PPP1R16B: variants seen among roughly 807,000 people sequenced by gnomAD.
The protein encoded by PPP1R16B is protein phosphatase 1 regulatory inhibitor subunit 16B.
In PPP1R16B, 14 loss-of-function variants were observed where a neutral mutation model predicts 61.7. That is an observed-to-expected ratio of 0.23 (90% CI 0.15 to 0.35). The LOEUF (loss-of-function observed/expected upper bound fraction) is 0.35. Ranked by LOEUF, PPP1R16B falls within the 10% of genes least tolerant of loss-of-function variation. The probability of loss-of-function intolerance (pLI) is 1.00; values close to 1 mark genes in which losing one functional copy is unlikely to be tolerated. For missense variants in PPP1R16B, 547 were observed against 752.5 expected (o/e 0.73, Z 3.19); for synonymous variants, 266 against 305.3 (o/e 0.87, Z 1.34).
chr20:38,911,774 C>T (rs2085492569), intron 10 of PPP1R16B, among the ~76,000 whole-genome samples: 1 of 151,912 alleles, frequency 6.6e-6, no homozygotes, highest in Admixed American at 6.6e-5. Context: ...TGACCTCAAA[C>T]GATCCACCCT....
intron 2 of PPP1R16B, among the ~76,000 whole-genome samples, chr20:38,874,868 C>T (rs1001777813): frequency 6.6e-6 from 1 of 152,162 alleles, no homozygotes; most frequent in Non-Finnish European, 1.5e-5. Context: ...CTCAGTATCC[C>T]CAACTGTAAA....
intron 2 of PPP1R16B, among the ~76,000 whole-genome samples, chr20:38,871,856 C>A (rs1248127000): frequency 6.6e-6 from 1 of 152,050 alleles, no homozygotes; most frequent in Non-Finnish European, 1.5e-5. Context: ...ATAATGTAAG[C>A]CACATATGTA....
chr20:38,807,513 C>T, intron 1 of PPP1R16B, among the ~76,000 whole-genome samples: 1 of 152,052 alleles, frequency 6.6e-6, no homozygotes, highest in East Asian at 1.9e-4. Context: ...GTTTCCACAT[C>T]TTCCTCCCCC....
At chr20:38,912,598 C>T (rs536346499) in intron 10 of PPP1R16B, among the ~76,000 whole-genome samples, 73 of 150,598 alleles carry the variant, frequency 4.8e-4, no homozygotes, top group African/African-American at 1.8e-3. Context: ...TTGCTTGAGT[C>T]GAGGAATTCA....
chr20:38,884,079 A>G (rs955329150), intron 2 of PPP1R16B, among the ~76,000 whole-genome samples: 1 of 152,206 alleles, frequency 6.6e-6, no homozygotes, highest in Non-Finnish European at 1.5e-5. Context: ...GCCGAAGGGA[A>G]TAAGCGTGCC....
At chr20:38,867,932 C>G (rs1324899068) in intron 2 of PPP1R16B, among the ~76,000 whole-genome samples, 1 of 152,198 alleles carries the variant, frequency 6.6e-6, no homozygotes, top group Admixed American at 6.5e-5. Context: ...CTTGGCCTCC[C>G]TAAGTGCCAG....
chr20:38,826,451 T>G (rs543265555), intron 1 of PPP1R16B, among the ~76,000 whole-genome samples: 1 of 152,310 alleles, frequency 6.6e-6, no homozygotes, highest in African/African-American at 2.4e-5. Flanking sequence ...CCCAAAAGTG[T>G]GTGGGCTTCC....
At chr20:38,905,011 A>G (rs1004385579) in intron 6 of PPP1R16B, among the ~76,000 whole-genome samples, 1 of 152,212 alleles carries the variant, frequency 6.6e-6, no homozygotes, top group African/African-American at 2.4e-5. Flanking sequence ...TTGGGGGCAA[A>G]TTGAACAATC....
At chr20:38,808,117 T>G (rs2084674130) in intron 1 of PPP1R16B, among the ~76,000 whole-genome samples, 1 of 152,210 alleles carries the variant, frequency 6.6e-6, no homozygotes. Flanking sequence ...CAGAGCCCAT[T>G]TGAGCCCTTT....
At chr20:38,850,911 T>C (rs1397610665) in intron 2 of PPP1R16B, among the ~76,000 whole-genome samples, 1 of 148,000 alleles carries the variant, frequency 6.8e-6, no homozygotes, top group African/African-American at 2.5e-5. Context: ...GAGGTTGCAG[T>C]GAGCCGAGAT....
chr20:38,902,944 G>A, intron 6 of PPP1R16B, 152 bp downstream of exon 6: 1 of 1,285,600 alleles, frequency 7.8e-7, no homozygotes, highest in East Asian at 2.5e-5. Context: ...TGGATAGGGA[G>A]GGTCAGCAGA....
At chr20:38,882,764 C>T (rs533688721) in intron 2 of PPP1R16B, among the ~76,000 whole-genome samples, 14 of 152,160 alleles carry the variant, frequency 9.2e-5, no homozygotes, top group South Asian at 2.1e-4. Context: ...GAGATTAGGG[C>T]AATCAGGGAA....
chr20:38,841,587 G>T (rs916601013), intron 2 of PPP1R16B, among the ~76,000 whole-genome samples: 3 of 152,130 alleles, frequency 2.0e-5, no homozygotes, highest in Non-Finnish European at 4.4e-5. Context: ...CATTTGCAGT[G>T]ACTCCTGGTT....
intron 2 of PPP1R16B, among the ~76,000 whole-genome samples, chr20:38,872,383 T>C (rs1011294943): frequency 2.6e-5 from 4 of 152,166 alleles, no homozygotes; most frequent in African/African-American, 9.7e-5. Flanking sequence ...AGTTGGTGCC[T>C]GGCGAACATT....
At position 38,896,125 on chromosome 20, in the gene PPP1R16B, TC is replaced by T. The variant is rs200293614; in HGVS notation, c.467+418del. Among the ~76,000 whole-genome samples, 5 of 96,558 alleles carry T rather than the reference TC, an allele frequency of 5.2e-5. 1 individual carries two copies. The highest frequency in any genetic ancestry group is 2.1e-4 in the African/African-American group (5 of 23,462). 63.3% of individuals were successfully genotyped at this position (96,558 alleles called of 152,430 possible). ...TGTCTCCCCTCCCTTCCTTCTTTCT[TC>T]CCTTCCTCCCTCCTTTCCTTCTTTC... On this transcript the variant is annotated intron_variant, in intron 4 of 10. Transcript: ENST00000299824.
intron 2 of PPP1R16B, among the ~76,000 whole-genome samples, chr20:38,863,664 A>G (rs183924998): frequency 6.6e-6 from 1 of 152,304 alleles, no homozygotes; most frequent in Admixed American, 6.5e-5. Flanking sequence ...ACCCACCTCA[A>G]GGGAATTGCG....
intron 2 of PPP1R16B, among the ~76,000 whole-genome samples, chr20:38,887,102 G>A (rs1409493524): frequency 5.3e-5 from 8 of 152,076 alleles, no homozygotes; most frequent in Admixed American, 5.2e-4. Flanking sequence ...ATGGATGATG[G>A]TGGTTGGATG....
intron 4 of PPP1R16B, among the ~76,000 whole-genome samples, chr20:38,897,572 C>T (rs990307196): frequency 6.6e-6 from 1 of 152,190 alleles, no homozygotes; most frequent in East Asian, 1.9e-4. Flanking sequence ...CATGAGTGTA[C>T]AAATATCTCT....
chr20:38,877,970 T>C (rs1461699246), intron 2 of PPP1R16B, among the ~76,000 whole-genome samples: 2 of 149,188 alleles, frequency 1.3e-5, no homozygotes, highest in East Asian at 3.9e-4. Context: ...TTTTTTTTTT[T>C]TTTTTTTTTG....
Sources: gnomAD v4.1 joint callset for allele counts (sites outside exome capture counted in the v4.1 genomes callset) on GRCh38, gnomAD v4.1.1 for gene constraint, MANE v1.5 for transcripts, NCBI Gene and HGNC (gene_info 2026-07-23, HGNC 2026-07-21) for gene names.